GNAI1: variants seen among roughly 807,000 people sequenced by gnomAD.
The protein encoded by GNAI1 is guanine nucleotide-binding protein G(i) subunit alpha-1.
In GNAI1, 11 loss-of-function variants were observed where a neutral mutation model predicts 38.9. That is an observed-to-expected ratio of 0.28 (90% CI 0.18 to 0.47). The LOEUF (loss-of-function observed/expected upper bound fraction) is 0.47. Ranked by LOEUF, GNAI1 falls within the 20% of genes least tolerant of loss-of-function variation. The pLI, the probability that GNAI1 is intolerant of heterozygous loss-of-function variation, is 0.99. For synonymous variants in GNAI1, 166 were observed against 145.1 expected, an observed-to-expected ratio of 1.14 and a Z score of -1.04; for missense variants, 317 against 436.9, an observed-to-expected ratio of 0.73 and a Z score of 2.45.
chr7:80,140,206 G>A lies in GNAI1; in HGVS notation c.118+4928G>A, dbSNP rs926606736. Among the ~76,000 whole-genome samples the A allele has an allele frequency of 4.6e-5, 7 of 152,058 alleles. No individual in the cohort carries two copies. The South Asian group carries it at 1.5e-3, about 32-fold the overall frequency. On this transcript the variant is annotated intron_variant, in intron 1 of 7. Transcript: ENST00000649796. ...TCACCGTGTTAGCCCGAGTGGTGTC[G>A]ATCTCCTGACCTCGTGATCCGCCTG... is the stretch of plus-strand genomic sequence containing the variant.
At chr7:80,167,871 T>C (rs371748847) in intron 1 of GNAI1, among the ~76,000 whole-genome samples, 26 of 152,342 alleles carry the variant, frequency 1.7e-4, no homozygotes, top group African/African-American at 2.9e-4. Flanking sequence ...AAAAAGTCTT[T>C]GTGTTTATGT....
chr7:80,169,632 T>C (rs10268519), intron 1 of GNAI1, among the ~76,000 whole-genome samples: 21,244 of 152,150 alleles, frequency 0.14, 1,706 homozygotes, highest in South Asian at 0.24. Context: ...ATTCCCAAAT[T>C]ATCTTGTTGA....
intron 1 of GNAI1, 140 bp downstream of exon 1, chr7:80,135,418 G>A (rs1210049114): frequency 6.2e-6 from 3 of 487,342 alleles, no homozygotes; most frequent in South Asian, 9.6e-5. Context: ...GTCCGGCGGT[G>A]CGGAGGCAAG....
chr7:80,206,481 G>A (rs530012000), intron 5 of GNAI1, among the ~76,000 whole-genome samples: 26 of 151,906 alleles, frequency 1.7e-4, no homozygotes, highest in South Asian at 1.0e-3. Flanking sequence ...CTGATTTCAA[G>A]TAATCAGATA....
At chr7:80,155,847 G>A (rs998213184) in intron 1 of GNAI1, among the ~76,000 whole-genome samples, 2 of 151,926 alleles carry the variant, frequency 1.3e-5, no homozygotes, top group African/African-American at 4.8e-5. Flanking sequence ...ACGAGGTCAG[G>A]AGTTTGAGAC....
At chr7:80,201,663 A>G (rs1788688426) in intron 4 of GNAI1, among the ~76,000 whole-genome samples, 1 of 152,152 alleles carries the variant, frequency 6.6e-6, no homozygotes. Flanking sequence ...GGTTGAGGCT[A>G]TAGTGAGCTA....
At chr7:80,148,632 A>G (rs1584007571) in intron 1 of GNAI1, among the ~76,000 whole-genome samples, 1 of 152,258 alleles carries the variant, frequency 6.6e-6, no homozygotes, top group South Asian at 2.1e-4. Context: ...ATTTTGAATA[A>G]TTTCTAGAAT....
chr7:80,171,514 C>T (rs938412267), intron 1 of GNAI1, among the ~76,000 whole-genome samples: 4 of 152,116 alleles, frequency 2.6e-5, no homozygotes, highest in East Asian at 3.9e-4. Context: ...ATGAAGACAA[C>T]GTCATCTTTT....
At chr7:80,194,307 C>A (rs1286007579) in intron 3 of GNAI1, among the ~76,000 whole-genome samples, 4 of 151,952 alleles carry the variant, frequency 2.6e-5, no homozygotes, top group Non-Finnish European at 5.9e-5. Context: ...GCACTTTATT[C>A]ATTTACCACT....
In GNAI1 at chr7:80,135,158, AC is replaced by A; in HGVS notation, c.-1del. 1 of 1,514,494 alleles carries A rather than the reference AC, an allele frequency of 6.6e-7. No individual in the cohort carries two copies. The highest frequency in any genetic ancestry group is 1.4e-5 in the African/African-American group (1 of 69,718). The allele number at this position is 1,514,494 out of a possible 1,614,324, so 93.8% of individuals were successfully genotyped here. A position where few individuals can be genotyped will look rare whatever the true frequency, so the allele number is the denominator to read the frequency against. On this transcript the variant is annotated 5_prime_UTR_variant, in exon 1 of 8. Transcript: ENST00000649796. The stretch of plus-strand genomic sequence containing the variant: ...GCGGCGGCAGGCTCTCGCTTTCGGC[AC>A]CATGGGCTGCACGCTGAGCGCCGAG...
chr7:80,160,069 G>A (rs976121790), intron 1 of GNAI1, among the ~76,000 whole-genome samples: 1 of 152,126 alleles, frequency 6.6e-6, no homozygotes, highest in African/African-American at 2.4e-5. Flanking sequence ...GTGCTCAGAG[G>A]CAACTCTGTT....
In GNAI1 at chr7:80,219,380, ATAAATT is replaced by A. The variant is rs1281269868; in HGVS notation, c.*1895_*1900del. ...TGTGTAATTGTGTTAATAAATCCTA[ATAAATT>A]TAAATTTTTAAAATTTTACAAACCT... On this transcript the variant is annotated 3_prime_UTR_variant, in exon 8 of 8. Transcript: ENST00000649796. 6.6e-6 allele frequency: 1 copy of A among 152,622 alleles called. No homozygotes were observed. Among genetic ancestry groups the A allele is most frequent in the African/African-American group, 2.4e-5 (1 of 41,444 alleles). 9.5% of individuals were successfully genotyped at this position (152,622 alleles called of 1,614,324 possible). A position where few individuals can be genotyped will look rare whatever the true frequency, so the allele number is the denominator to read the frequency against.
chr7:80,197,969 A>T (rs1446755786), intron 3 of GNAI1, among the ~76,000 whole-genome samples: 1 of 152,138 alleles, frequency 6.6e-6, no homozygotes, highest in Non-Finnish European at 1.5e-5. Context: ...ATGCCTCTTG[A>T]AAGAAATTAG....
rs199942849 is a variant in GNAI1, at chr7:80,177,921, G to GTAAA, written c.119-11029_119-11026dup. On this transcript the variant is annotated intron_variant, in intron 1 of 7. Transcript: ENST00000649796. ...ATAGTGATTCCTTTAATAGATCTGA[G>GTAAA]TAAAGTAAATTGAAAACCTTCTGAA... Among the ~76,000 whole-genome samples, 728 of 152,296 alleles carry GTAAA rather than the reference G, an allele frequency of 4.8e-3. 5 individuals are homozygous for GTAAA. The highest frequency in any genetic ancestry group is 0.017 in the African/African-American group (688 of 41,558).
chr7:80,189,083 T>C lies in GNAI1; in HGVS notation c.162-7T>C. 3.1e-6 allele frequency: 5 copies of C among 1,604,486 alleles called. No homozygotes were observed. Among genetic ancestry groups the C allele is most frequent in the East Asian group, 2.2e-5 (1 of 44,712 alleles). On this transcript the variant is annotated splice_polypyrimidine_tract_variant and splice_region_variant and intron_variant, in intron 2 of 7. Transcript: ENST00000649796. ...ATAATTCTTTTTTTTCCCTTTTGTC[T>C]CATTAGAATTATCCATGAAGCTGGT... is the stretch of plus-strand genomic sequence containing the variant.
chr7:80,197,297 T>C (rs1788595628), intron 3 of GNAI1, among the ~76,000 whole-genome samples: 1 of 151,902 alleles, frequency 6.6e-6, no homozygotes, highest in East Asian at 1.9e-4. Context: ...AAGAAACATT[T>C]TTTAATGCCA....
intron 6 of GNAI1, among the ~76,000 whole-genome samples, chr7:80,212,405 A>T (rs974736572): frequency 6.6e-6 from 1 of 152,202 alleles, no homozygotes; most frequent in African/African-American, 2.4e-5. Context: ...TGACAATGTC[A>T]TTTCTTTTCA....
intron 5 of GNAI1, among the ~76,000 whole-genome samples, chr7:80,205,590 AT>A (rs5885170): frequency 0.39 from 59,693 of 151,474 alleles, 12,457 homozygotes; most frequent in African/African-American, 0.53. Flanking sequence ...CCAGTTTGTG[AT>A]TTTTTTTTAA....
chr7:80,203,901 T>C (rs528502517), intron 5 of GNAI1, 69 bp downstream of exon 5: 1 of 929,584 alleles, frequency 1.1e-6, no homozygotes, highest in South Asian at 2.0e-5. Flanking sequence ...ATAAAAAGTG[T>C]AATAAAAGTT....
Sources: gnomAD v4.1 joint callset for allele counts (sites outside exome capture counted in the v4.1 genomes callset) on GRCh38, gnomAD v4.1.1 for gene constraint, MANE v1.5 for transcripts, NCBI Gene and HGNC (gene_info 2026-07-23, HGNC 2026-07-21) for gene names.